NPFFR2: variants seen among roughly 807,000 people sequenced by gnomAD.
NPFFR2 encodes G-protein coupled receptor 74.
NPFFR2 carries 15 observed loss-of-function variants against 13.1 expected under a neutral mutation model. That is an observed-to-expected ratio of 1.15 (90% CI 0.77 to 1.76). NPFFR2 has a LOEUF of 1.76. Among genes scored for constraint, NPFFR2 ranks in the 40% most tolerant of loss-of-function variants. The pLI is 0.00. For synonymous variants in NPFFR2, 190 were observed against 175.7 expected, an observed-to-expected ratio of 1.08 and a Z score of -0.65; for missense variants, 572 against 503.5, an observed-to-expected ratio of 1.14 and a Z score of -1.30.
intron 1 of NPFFR2, 119 bp from the exon 2 acceptor site, chr4:72,128,466 A>G (rs1471067699): frequency 3.2e-6 from 2 of 617,244 alleles, no homozygotes; most frequent in South Asian, 2.3e-5. Flanking sequence ...ATAGATTATT[A>G]TAGAAAGACC....
rs557863431 is a variant in NPFFR2 at position 72,126,931 on chromosome 4, A to C, written c.-7-1654A>C. On this transcript the variant is annotated intron_variant, in intron 1 of 3. Coordinates refer to ENST00000308744, the MANE Select transcript of NPFFR2 (RefSeq NM_004885.3). ...TTCACTTTAATAAATATTAGTGTGA[A>C]TGCATTATATGCTGGGTCCTGCAAG... 6.6e-5 allele frequency among the ~76,000 whole-genome samples: 10 copies of C among 152,276 alleles called. No individual in the cohort carries two copies. In the South Asian group the frequency reaches 2.1e-3, roughly 32 times the overall value.
chr4:72,100,255 C>T (rs543929703), intron 1 of NPFFR2, among the ~76,000 whole-genome samples: 1 of 152,078 alleles, frequency 6.6e-6, no homozygotes, highest in Non-Finnish European at 1.5e-5. Flanking sequence ...CTGGCTAAGA[C>T]AAGAACTCAA....
chr4:72,124,468 G>A (rs1357798451), intron 1 of NPFFR2, among the ~76,000 whole-genome samples: 2 of 151,602 alleles, frequency 1.3e-5, no homozygotes. Flanking sequence ...AACAAAGCTG[G>A]AGGCATCAGG....
At chr4:72,133,420 A>G (rs553292853) in intron 2 of NPFFR2, among the ~76,000 whole-genome samples, 8 of 152,260 alleles carry the variant, frequency 5.3e-5, no homozygotes, top group African/African-American at 1.2e-4. Flanking sequence ...GCCTTGTGGT[A>G]TAGTTTGAAG....
chr4:72,096,156 GTC>G (rs1721066748), intron 1 of NPFFR2, among the ~76,000 whole-genome samples: 1 of 152,054 alleles, frequency 6.6e-6, no homozygotes, highest in South Asian at 2.1e-4. Context: ...CTTTACAAAG[GTC>G]TGATAAATGC....
chr4:72,092,276 A>G (rs1720935267), intron 1 of NPFFR2, among the ~76,000 whole-genome samples: 1 of 152,060 alleles, frequency 6.6e-6, no homozygotes, highest in Non-Finnish European at 1.5e-5. Flanking sequence ...ATCATGGAGA[A>G]GGTTCCATTT....
In NPFFR2 at chr4:72,147,543, A is replaced by G. The variant is rs745443981; in HGVS notation, c.994A>G (p.Ile332Val). 7.4e-6 allele frequency: 12 copies of G among 1,614,068 alleles called. No homozygotes were observed. Among genetic ancestry groups the G allele is most frequent in the African/African-American group, 1.3e-5 (1 of 74,920 alleles). Residue 332 changes from isoleucine to valine, a missense_variant, in exon 4 of 4, where the codon ATT becomes GTT. Coordinates refer to ENST00000308744, the MANE Select transcript of NPFFR2 (RefSeq NM_004885.3). ...CGGCAACAGCAGTGTCAATCCCATCATTTATGGTTTCTTCAACGAGAATTT... is the reference window on the plus strand; with the variant it reads ...CGGCAACAGCAGTGTCAATCCCATCGTTTATGGTTTCTTCAACGAGAATTT... ...AFGNSSVNPI[I>V]YGFFNENFRR...
At chr4:72,032,331 C>G in intron 1 of NPFFR2, 131 bp downstream of exon 1, 1 of 1,046,172 alleles carries the variant, frequency 9.6e-7, no homozygotes, top group Non-Finnish European at 1.4e-6. Context: ...AAATCCCTTC[C>G]TAATTACACA....
At chr4:72,135,707 T>A (rs1372642092) in intron 2 of NPFFR2, among the ~76,000 whole-genome samples, 1 of 152,026 alleles carries the variant, frequency 6.6e-6, no homozygotes, top group Non-Finnish European at 1.5e-5. Flanking sequence ...TCAATTTGGT[T>A]TTCCTATAAG....
At chr4:72,108,876 G>T (rs970972068) in intron 1 of NPFFR2, among the ~76,000 whole-genome samples, 2 of 151,846 alleles carry the variant, frequency 1.3e-5, no homozygotes. Context: ...TTCTTCTCTG[G>T]ACAATCCATT....
intron 1 of NPFFR2, among the ~76,000 whole-genome samples, chr4:72,100,684 G>A (rs1039098813): frequency 6.6e-6 from 1 of 151,944 alleles, no homozygotes; most frequent in African/African-American, 2.4e-5. Flanking sequence ...TTATTAACAG[G>A]TTGAGTTTTG....
At chr4:72,113,131 C>T (rs1721612883) in intron 1 of NPFFR2, among the ~76,000 whole-genome samples, 1 of 152,032 alleles carries the variant, frequency 6.6e-6, no homozygotes, top group Non-Finnish European at 1.5e-5. Context: ...TTTGAGTAAT[C>T]AATGGCCTTG....
chr4:72,134,804 C>A (rs942962662), intron 2 of NPFFR2, among the ~76,000 whole-genome samples: 1 of 152,046 alleles, frequency 6.6e-6, no homozygotes, highest in African/African-American at 2.4e-5. Context: ...TTTATAGGAA[C>A]ACGTTACTCC....
intron 2 of NPFFR2, among the ~76,000 whole-genome samples, chr4:72,132,056 C>T (rs183576130): frequency 1.3e-5 from 2 of 151,414 alleles, no homozygotes; most frequent in African/African-American, 4.9e-5. Context: ...GTTTATTACA[C>T]AGGTAAACTT....
At chr4:72,143,621 A>G (rs1209533792) in intron 3 of NPFFR2, among the ~76,000 whole-genome samples, 2 of 152,042 alleles carry the variant, frequency 1.3e-5, no homozygotes, top group Admixed American at 6.6e-5. Context: ...CAATCTCAGC[A>G]CCCCTTGGCC....
At chr4:72,057,275 C>T (rs1719779820) in intron 1 of NPFFR2, among the ~76,000 whole-genome samples, 1 of 151,850 alleles carries the variant, frequency 6.6e-6, no homozygotes, top group Admixed American at 6.6e-5. Context: ...ATGTGAGTTT[C>T]CTAGGGCTGC....
chr4:72,101,240 A>G (rs1721238362), intron 1 of NPFFR2, among the ~76,000 whole-genome samples: 1 of 152,060 alleles, frequency 6.6e-6, no homozygotes, highest in African/African-American at 2.4e-5. Flanking sequence ...CAATTCTCCT[A>G]TTTATGCACA....
chr4:72,062,359 A>G lies in NPFFR2; in HGVS notation c.-8+30159A>G, dbSNP rs892994330. Among the ~76,000 whole-genome samples, 15 of 152,306 alleles carry G rather than the reference A, an allele frequency of 9.8e-5. No homozygotes were observed. In the East Asian group the frequency reaches 2.9e-3, roughly 29 times the overall value. On this transcript the variant is annotated intron_variant, in intron 1 of 3. Transcript: ENST00000308744. ...GTCCATAAATAATTAAGATGCCTCTAAAGGTTTGCTCCATAACTATAAAGT... is the reference window on the plus strand; with the variant it reads ...GTCCATAAATAATTAAGATGCCTCTGAAGGTTTGCTCCATAACTATAAAGT...
chr4:72,082,411 C>G (rs1560405595), intron 1 of NPFFR2, among the ~76,000 whole-genome samples: 1 of 152,148 alleles, frequency 6.6e-6, no homozygotes, highest in Non-Finnish European at 1.5e-5. Context: ...CAAAGATAAT[C>G]TTTTCTAGTT....
Sources: gnomAD v4.1 joint callset for allele counts (sites outside exome capture counted in the v4.1 genomes callset) on GRCh38, gnomAD v4.1.1 for gene constraint, MANE v1.5 for transcripts, NCBI Gene and HGNC (gene_info 2026-07-23, HGNC 2026-07-21) for gene names.